Variants in SELENBP1 observed in about 807,000 individuals in gnomAD.
The protein encoded by SELENBP1 is methanethiol oxidase.
Under a neutral mutation model 61.0 loss-of-function variants are expected in SELENBP1, and 71 were observed. The ratio of observed to expected loss-of-function variants is 1.16; its 90% CI spans 0.96 to 1.42. The LOEUF (loss-of-function observed/expected upper bound fraction) is 1.42. Among genes scored for constraint, SELENBP1 ranks in the 40% most tolerant of loss-of-function variants. The pLI, the probability that SELENBP1 is intolerant of heterozygous loss-of-function variation, is 0.00. For missense variants in SELENBP1, 561 were observed against 605.0 expected (o/e 0.93, Z 0.76); for synonymous variants, 270 against 238.9 (o/e 1.13, Z -1.20).
intron 1 of SELENBP1, chr1:151,370,213 C>T (rs1398238294): frequency 1.4e-5 from 5 of 369,248 alleles, no homozygotes; most frequent in East Asian, 4.7e-5. Flanking sequence ...GAAGTAAACA[C>T]GAGGGTGCAG....
rs373440909 is a variant in SELENBP1 at position 151,365,699 on chromosome 1, C to A, written c.923-15G>T. On this transcript the variant is annotated splice_polypyrimidine_tract_variant and intron_variant, in intron 8 of 11. Coordinates refer to ENST00000368868, the MANE Select transcript of SELENBP1 (RefSeq NM_003944.4). ...GGTGATCAGGCCTGTGGGCAGGGGG[C>A]GAGTAGAGCCTTTAAGGACTCTTGT... 3 of 1,614,088 alleles carry A rather than the reference C, an allele frequency of 1.9e-6. No homozygotes were observed. The highest frequency in any genetic ancestry group is 2.5e-6 in the Non-Finnish European group (3 of 1,180,008).
chr1:151,368,931 C>G, intron 4 of SELENBP1, 73 bp downstream of exon 4: 1 of 1,491,220 alleles, frequency 6.7e-7, no homozygotes, highest in South Asian at 1.3e-5. Context: ...TTAGGTCTGG[C>G]TTCCTGCCCG....
Position 151,369,434 on chromosome 1 carries a change from C to T in SELENBP1, c.174+8G>A, listed in dbSNP as rs762933604. The T allele has an allele frequency of 1.1e-5, 18 of 1,606,860 alleles. No individual in the cohort carries two copies. The highest frequency in any genetic ancestry group is 3.4e-5 in the Admixed American group (2 of 58,694). ...CTCAAAGTAGCTGGCGCCCAAGCCCCGCCTAACCTGGCAATACTGGGGAGA... is the reference window on the plus strand; with the variant it reads ...CTCAAAGTAGCTGGCGCCCAAGCCCTGCCTAACCTGGCAATACTGGGGAGA... On this transcript the variant is annotated splice_region_variant and intron_variant, in intron 3 of 11. Transcript: ENST00000368868.
In SELENBP1 at chr1:151,364,985, G is replaced by C; in HGVS notation, c.1197C>G (p.Leu399=). The C allele has an allele frequency of 6.2e-7, 1 of 1,613,574 alleles. No homozygotes were observed. Among genetic ancestry groups the C allele is most frequent in the Non-Finnish European group, 8.5e-7 (1 of 1,179,872 alleles). ...MIQLSLDGKR[L]YITTSLYSAW... is the part of the protein sequence containing the mutation. ...CACTGTACAGCGACGTGGTGATGTA[G>C]AGGCGCTTCCCATCCAGGCTGAGCT... Residue 399 remains leucine (L), a synonymous_variant, in exon 11 of 12, where the codon CTC becomes CTG. Coordinates refer to ENST00000368868, the MANE Select transcript of SELENBP1 (RefSeq NM_003944.4).
intron 2 of SELENBP1, 79 bp downstream of exon 2, chr1:151,369,634 G>A: frequency 1.9e-6 from 3 of 1,547,102 alleles, no homozygotes; most frequent in East Asian, 2.4e-5. Context: ...CCAGAGGGTG[G>A]GGGCTAGGTC....
chr1:151,368,103 CA>C (rs1390443032), intron 5 of SELENBP1, 95 bp downstream of exon 5: 3 of 1,513,116 alleles, frequency 2.0e-6, no homozygotes, highest in Non-Finnish European at 2.7e-6. Context: ...GAAGTCATTC[CA>C]ACCCTCCCCT....
intron 1 of SELENBP1, 63 bp downstream of exon 1, chr1:151,372,575 A>AAAT: frequency 6.2e-7 from 1 of 1,609,226 alleles, no homozygotes. Context: ...TTTCTGGAGG[A>AAAT]GGGCCTTCCA....
chr1:151,364,919 T>C lies in SELENBP1; in HGVS notation c.1256+7A>G, dbSNP rs371117802. 1.2e-6 allele frequency: 2 copies of C among 1,613,060 alleles called. No individual in the cohort carries two copies. Among genetic ancestry groups the C allele is most frequent in the African/African-American group, 2.7e-5 (2 of 74,870 alleles). ...TGGGGAGGAGAGCCCATGTGTCTGC[T>C]TCTCACCTGATGAGATCAGGGTAAA... On this transcript the variant is annotated splice_region_variant and intron_variant, in intron 11 of 11. Transcript: ENST00000368868.
Position 151,372,227 on chromosome 1 carries a change from T to C in SELENBP1, c.4+411A>G, listed in dbSNP as rs4970950. 7.6e-3 allele frequency among the ~76,000 whole-genome samples: 1,155 copies of C among 152,232 alleles called. 45 individuals carry two copies. The highest frequency in any genetic ancestry group is 0.063 in the Admixed American group (967 of 15,284). On this transcript the variant is annotated intron_variant, in intron 1 of 11. Transcript: ENST00000368868. ...AGAGTGACCTGGGCACAGAAAGGCTTTGGACTCCCTACCTCGCTGGAGTAC... is the reference window on the plus strand; with the variant it reads ...AGAGTGACCTGGGCACAGAAAGGCTCTGGACTCCCTACCTCGCTGGAGTAC...
chr1:151,364,502 T>C lies in SELENBP1; in HGVS notation c.*41A>G, dbSNP rs1188031490. The C allele has an allele frequency of 6.2e-7, 1 of 1,612,452 alleles. No individual in the cohort carries two copies. Among genetic ancestry groups the C allele is most frequent in the Admixed American group, 1.7e-5 (1 of 59,964 alleles). ...GAATGAAGCCAGGTCCCCAAGGAAG[T>C]GAGGGCCCAAAATAGGGAGTGTGGG... is the stretch of plus-strand genomic sequence containing the variant. On this transcript the variant is annotated 3_prime_UTR_variant, in exon 12 of 12. Transcript: ENST00000368868.
chr1:151,371,984 G>A (rs1046039779), intron 1 of SELENBP1, among the ~76,000 whole-genome samples: 1 of 151,978 alleles, frequency 6.6e-6, no homozygotes, highest in Non-Finnish European at 1.5e-5. Context: ...CTGCCAGCTC[G>A]GCATTCTGCC....
In SELENBP1 at chr1:151,369,563, T is replaced by C; in HGVS notation, c.62-9A>G. 6.3e-7 allele frequency: 1 copy of C among 1,598,644 alleles called. No homozygotes were observed. Among genetic ancestry groups the C allele is most frequent in the Non-Finnish European group, 8.5e-7 (1 of 1,172,920 alleles). On this transcript the variant is annotated splice_polypyrimidine_tract_variant and intron_variant, in intron 2 of 11. Transcript: ENST00000368868. Reference sequence around the variant, plus strand: ...GATCTCTTCCCTGGGTCCTGCACGGTAGAAAGCAGGCAGCAGGGACGGCAG... The same window carrying C: ...GATCTCTTCCCTGGGTCCTGCACGGCAGAAAGCAGGCAGCAGGGACGGCAG...
intron 6 of SELENBP1, 41 bp downstream of exon 6, chr1:151,366,681 G>A (rs763687818): frequency 5.0e-6 from 8 of 1,600,078 alleles, no homozygotes; most frequent in African/African-American, 2.7e-5. Context: ...GCAAGGGGAT[G>A]TAGGCCCAAG....
intron 6 of SELENBP1, 68 bp downstream of exon 6, chr1:151,366,654 G>A: frequency 1.9e-6 from 3 of 1,559,510 alleles, no homozygotes; most frequent in Non-Finnish European, 2.6e-6. Flanking sequence ...GTGGGGGTGG[G>A]AGATTTGGAG....
chr1:151,365,212 G>A lies in SELENBP1; in HGVS notation c.1114C>T (p.Gln372Ter). 3 of 1,613,878 alleles carry A rather than the reference G, an allele frequency of 1.9e-6. No individual in the cohort carries two copies. Among genetic ancestry groups the A allele is most frequent in the Non-Finnish European group, 2.5e-6 (3 of 1,179,902 alleles). The part of the protein sequence containing the change: ...QVLEDEELKS[Q>*]PEPLVVKGKR... ...ACCTTGACCACTAGGGGCTCTGGCTGGGACTTTAGTTCCTCGTCCTCCAGC... is the reference window on the plus strand; with the variant it reads ...ACCTTGACCACTAGGGGCTCTGGCTAGGACTTTAGTTCCTCGTCCTCCAGC... The change falls in exon 10 of 12, where the codon CAG becomes TAG. Residue 372 changes from glutamine (Q) to a stop codon, truncating the protein, a stop_gained. Transcript: ENST00000368868. LOFTEE classifies it high-confidence loss of function.
intron 7 of SELENBP1, 122 bp from the exon 8 acceptor site, chr1:151,365,968 T>C: frequency 9.4e-7 from 1 of 1,060,530 alleles, no homozygotes; most frequent in Non-Finnish European, 1.4e-6. Context: ...CCCGGCCTTC[T>C]TGCCAGCAGG....
At position 151,369,761 on chromosome 1, in the gene SELENBP1, A is replaced by T; in HGVS notation, c.13T>A (p.Cys5Ser). The T allele has an allele frequency of 6.4e-7, 1 of 1,552,332 alleles. No homozygotes were observed. Among genetic ancestry groups the T allele is most frequent in the Non-Finnish European group, 8.7e-7 (1 of 1,147,378 alleles). ...GAGTAGCCGGGTCCACAATTCCCACATTTCGTAGCTGTGGAAGCAATGGGG... is the reference window on the plus strand; with the variant it reads ...GAGTAGCCGGGTCCACAATTCCCACTTTTCGTAGCTGTGGAAGCAATGGGG... MATK[C>S]GNCGPGYSTP... The change falls in exon 2 of 12, where the codon TGT becomes AGT. Residue 5 changes from cysteine (C) to serine (S), a missense_variant. By Grantham distance (112) the Cys-to-Ser change is moderately radical. Coordinates refer to ENST00000368868, the MANE Select transcript of SELENBP1 (RefSeq NM_003944.4).
At position 151,368,190 on chromosome 1, in the gene SELENBP1, G is replaced by A; in HGVS notation, c.481+9C>T. 6.2e-7 allele frequency: 1 copy of A among 1,613,780 alleles called. No homozygotes were observed. Among genetic ancestry groups the A allele is most frequent in the South Asian group, 1.1e-5 (1 of 91,066 alleles). On this transcript the variant is annotated intron_variant, in intron 5 of 11. Transcript: ENST00000368868. ...GAAGTTTTCATGAGCACACAGTGCT[G>A]GCAGGTACCTTTGCCATTGCCCTTG...
chr1:151,369,700 C>G lies in SELENBP1; in HGVS notation c.61+13G>C, dbSNP rs1439385830. ...AGTAGTAGGGCGCTGGCTCTCAGACCATGGGCAATTACCTTTCATGGCCTC... is the reference window on the plus strand; with the variant it reads ...AGTAGTAGGGCGCTGGCTCTCAGACGATGGGCAATTACCTTTCATGGCCTC... On this transcript the variant is annotated intron_variant, in intron 2 of 11. Transcript: ENST00000368868. The G allele has an allele frequency of 6.4e-7, 1 of 1,551,242 alleles. No individual in the cohort carries two copies. The highest frequency in any genetic ancestry group is 1.2e-5 in the South Asian group (1 of 83,948).
Sources: allele counts gnomAD v4.1 joint callset (sites outside exome capture counted in the v4.1 genomes callset), GRCh38; gene constraint gnomAD v4.1.1; transcripts MANE v1.5; gene names NCBI Gene and HGNC (gene_info 2026-07-23, HGNC 2026-07-21).